The following CSMD1 variants were observed in gnomAD, a reference collection of about 807,000 sequenced individuals.
CSMD1 encodes CUB and Sushi multiple domains 1.
A neutral mutation model predicts 417.5 loss-of-function variants in CSMD1; 213 were observed. The ratio of observed to expected loss-of-function variants is 0.51; its 90% confidence interval spans 0.46 to 0.57. The LOEUF is 0.57. Among genes scored for constraint, CSMD1 ranks in the 20% least tolerant of loss-of-function variants. The probability of loss-of-function intolerance (pLI) is 0.00; values close to 1 mark genes in which losing one functional copy is unlikely to be tolerated. For synonymous variants in CSMD1, 2,862 were observed against 1,736.8 expected (o/e 1.65, Z -16.11); for missense variants, 6,923 against 4,529.7 (o/e 1.53, Z -15.17).
intron 12 of CSMD1, among the ~76,000 whole-genome samples, chr8:3,448,312 GAAGGAAGGAAGGGAGC>G (rs1815434661): frequency 1.2e-4 from 10 of 84,270 alleles, no homozygotes; most frequent in African/African-American, 1.9e-4. Context: ...GGGAAGGAAG[GAAGGAAGGAAGGGAGC>G]AAGGGAGGGA....
chr8:3,141,560 T>C (rs183925995), intron 41 of CSMD1, among the ~76,000 whole-genome samples: 7 of 152,224 alleles, frequency 4.6e-5, no homozygotes, highest in African/African-American at 1.7e-4. Flanking sequence ...CCTCCCCAAA[T>C]TGCTCCTGGG....
intron 41 of CSMD1, chr8:3,128,145 A>G (rs1220261932): frequency 6.6e-6 from 1 of 152,234 alleles, no homozygotes; most frequent in Non-Finnish European, 1.5e-5. Flanking sequence ...AGAGAATTTT[A>G]TCTTTTATAA....
chr8:3,614,501 T>G (rs1055669434), intron 8 of CSMD1, among the ~76,000 whole-genome samples: 11 of 152,234 alleles, frequency 7.2e-5, no homozygotes, highest in Admixed American at 6.5e-4. Context: ...ATTGCCCATG[T>G]GCTAAGAAGA....
At chr8:3,559,224 A>G (rs1228691633) in intron 10 of CSMD1, among the ~76,000 whole-genome samples, 1 of 152,202 alleles carries the variant, frequency 6.6e-6, no homozygotes, top group Non-Finnish European at 1.5e-5. Context: ...CAAATGTGCA[A>G]CAACATTACC....
chr8:3,745,627 G>T (rs556914718), intron 6 of CSMD1, among the ~76,000 whole-genome samples: 1 of 152,194 alleles, frequency 6.6e-6, no homozygotes, highest in African/African-American at 2.4e-5. Flanking sequence ...ACTCCACTGA[G>T]ACTCTGAAGC....
chr8:3,257,140 G>T (rs1005530469), intron 26 of CSMD1, among the ~76,000 whole-genome samples: 1 of 152,108 alleles, frequency 6.6e-6, no homozygotes, highest in Non-Finnish European at 1.5e-5. Context: ...TGGCCAACAT[G>T]GTGAAACCCC....
At chr8:4,216,639 C>T (rs1449975930) in intron 3 of CSMD1, among the ~76,000 whole-genome samples, 1 of 152,120 alleles carries the variant, frequency 6.6e-6, no homozygotes, top group Non-Finnish European at 1.5e-5. Flanking sequence ...CCTCACAGCC[C>T]TGTGTTCTTT....
At chr8:4,258,881 C>T (rs947839611) in intron 3 of CSMD1, among the ~76,000 whole-genome samples, 5 of 152,168 alleles carry the variant, frequency 3.3e-5, no homozygotes, top group Admixed American at 2.0e-4. Flanking sequence ...TCTACCTGGC[C>T]GTGCCATGTG....
At chr8:4,584,461 C>A (rs533745750) in intron 2 of CSMD1, among the ~76,000 whole-genome samples, 18 of 152,128 alleles carry the variant, frequency 1.2e-4, no homozygotes, top group Non-Finnish European at 2.2e-4. Context: ...CTAGCGTGGC[C>A]GCCGGACTAA....
chr8:4,332,070 C>T (rs948293630), intron 3 of CSMD1, among the ~76,000 whole-genome samples: 6 of 152,022 alleles, frequency 3.9e-5, no homozygotes, highest in Non-Finnish European at 8.8e-5. Flanking sequence ...CAGTTTGGCT[C>T]CACTGAATCA....
At chr8:3,628,185 G>T (rs1330811454) in intron 7 of CSMD1, among the ~76,000 whole-genome samples, 1 of 152,082 alleles carries the variant, frequency 6.6e-6, no homozygotes, top group Admixed American at 6.5e-5. Flanking sequence ...CTCTACCATT[G>T]TAACAACGCG....
chr8:4,735,505 T>C (rs1810173749), intron 1 of CSMD1, among the ~76,000 whole-genome samples: 2 of 152,228 alleles, frequency 1.3e-5, no homozygotes, highest in Admixed American at 1.3e-4. Flanking sequence ...AACATTTTAA[T>C]GCAACTTACA....
Position 4,771,060 on chromosome 8 carries a change from G to C in CSMD1, c.86-133502C>G, listed in dbSNP as rs117990232. On this transcript the variant is annotated intron_variant, in intron 1 of 69. Transcript: ENST00000635120. ...AGCAATATTTCCAAACCATATATCA[G>C]ATAAGGAGTTAATATTCAAGATTTG... is the stretch of plus-strand genomic sequence containing the variant. Among the ~76,000 whole-genome samples, 387 of 152,248 alleles carry C rather than the reference G, an allele frequency of 2.5e-3. 2 individuals are homozygous for C. Among genetic ancestry groups the C allele is most frequent in the Middle Eastern group, 6.8e-3 (2 of 294 alleles).
intron 5 of CSMD1, among the ~76,000 whole-genome samples, chr8:3,815,540 G>C (rs532016856): frequency 6.7e-6 from 1 of 148,572 alleles, no homozygotes; most frequent in Admixed American, 6.7e-5. Flanking sequence ...CAAAATAAAA[G>C]AAAAAACTGT....
intron 33 of CSMD1, among the ~76,000 whole-genome samples, chr8:3,196,862 A>T (rs541931130): frequency 6.6e-6 from 1 of 152,180 alleles, no homozygotes; most frequent in Non-Finnish European, 1.5e-5. Context: ...CAACGGCACG[A>T]AACTAAAGAT....
intron 21 of CSMD1, among the ~76,000 whole-genome samples, chr8:3,353,085 T>A (rs1009934865): frequency 8.5e-5 from 13 of 152,180 alleles, no homozygotes; most frequent in African/African-American, 2.9e-4. Context: ...ATACTACATT[T>A]GTTAATACAC....
chr8:3,522,795 T>A (rs1797561770), intron 10 of CSMD1, among the ~76,000 whole-genome samples: 1 of 151,932 alleles, frequency 6.6e-6, no homozygotes, highest in Non-Finnish European at 1.5e-5. Flanking sequence ...ACATTTTTCA[T>A]GGTTACATAT....
intron 1 of CSMD1, among the ~76,000 whole-genome samples, chr8:4,948,098 C>T (rs1448885274): frequency 1.3e-5 from 2 of 151,684 alleles, no homozygotes; most frequent in Admixed American, 6.6e-5. Flanking sequence ...TTTTAAGTGC[C>T]AATTATTTTC....
intron 3 of CSMD1, among the ~76,000 whole-genome samples, chr8:4,137,301 C>A (rs1268959720): frequency 2.0e-5 from 3 of 152,130 alleles, no homozygotes; most frequent in East Asian, 1.9e-4. Flanking sequence ...CAAAATAGGA[C>A]GTGTCAGTGG....
Sources: gnomAD v4.1 joint callset for allele counts (sites outside exome capture counted in the v4.1 genomes callset) on GRCh38, gnomAD v4.1.1 for gene constraint, MANE v1.5 for transcripts, NCBI Gene and HGNC (gene_info 2026-07-23, HGNC 2026-07-21) for gene names.